Variants in DGLUCY observed in about 807,000 individuals in gnomAD.
The protein encoded by DGLUCY is D-glutamate cyclase.
DGLUCY carries 58 observed loss-of-function variants against 58.5 expected under a neutral mutation model. The ratio of observed to expected loss-of-function variants is 0.99; its 90% CI spans 0.80 to 1.23. DGLUCY has a LOEUF of 1.23. DGLUCY is among the 50% of genes most tolerant of loss of function. DGLUCY has a pLI of 0.00. For synonymous variants in DGLUCY, 325 were observed against 314.1 expected (o/e 1.03, Z -0.37); for missense variants, 779 against 784.7 (o/e 0.99, Z 0.09).
At chr14:91,125,017 G>A (rs1021469800) in intron 1 of DGLUCY, among the ~76,000 whole-genome samples, 1 of 152,060 alleles carries the variant, frequency 6.6e-6, no homozygotes, top group African/African-American at 2.4e-5. Flanking sequence ...TCCTTCCTTT[G>A]TTCTCCTCTG....
chr14:91,192,259 T>C (rs1303804869), intron 9 of DGLUCY, among the ~76,000 whole-genome samples: 1 of 152,158 alleles, frequency 6.6e-6, no homozygotes, highest in Non-Finnish European at 1.5e-5. Flanking sequence ...CCAATCGTAT[T>C]GTATGACTCC....
intron 1 of DGLUCY, among the ~76,000 whole-genome samples, chr14:91,088,119 AGAG>A (rs2044251927): frequency 6.6e-6 from 1 of 152,128 alleles, no homozygotes; most frequent in African/African-American, 2.4e-5. Context: ...GCCAGGGAGA[AGAG>A]GACCCCATTG....
chr14:91,115,193 G>A (rs1001807289), intron 1 of DGLUCY: 10 of 152,516 alleles, frequency 6.6e-5, no homozygotes, highest in African/African-American at 2.4e-4. Flanking sequence ...TTGGCACGCA[G>A]GGGACGAGAG....
intron 1 of DGLUCY, among the ~76,000 whole-genome samples, chr14:91,132,796 C>A (rs1017183436): frequency 1.3e-5 from 2 of 151,890 alleles, no homozygotes; most frequent in African/African-American, 4.8e-5. Flanking sequence ...TTCATCTTCC[C>A]AAACTGCAAC....
Position 91,213,804 on chromosome 14 carries a change from G to T in DGLUCY, c.1565-1601G>T, listed in dbSNP as rs191460604. Among the ~76,000 whole-genome samples the T allele has an allele frequency of 1.2e-3, 187 of 151,970 alleles. 1 individual carries two copies. The highest frequency in any genetic ancestry group is 3.7e-3 in the Admixed American group (56 of 15,246). On this transcript the variant is annotated intron_variant, in intron 12 of 13. Coordinates refer to ENST00000256324, the MANE Select transcript of DGLUCY (RefSeq NM_001102368.3). Reference sequence around the variant, plus strand: ...AACCTCCACCTCCCGGGTTCAAGTGGTTTTCCTGCCTCAGCCTCCTGAGTA... The same window carrying T: ...AACCTCCACCTCCCGGGTTCAAGTGTTTTTCCTGCCTCAGCCTCCTGAGTA...
intron 1 of DGLUCY, among the ~76,000 whole-genome samples, chr14:91,148,186 TAC>T (rs2047113564): frequency 6.6e-6 from 1 of 151,520 alleles, no homozygotes; most frequent in Non-Finnish European, 1.5e-5. Flanking sequence ...AAAAGAAAGA[TAC>T]ACACATCTCT....
upstream of DGLUCY, among the ~76,000 whole-genome samples, chr14:91,110,996 T>C (rs529371146): frequency 6.8e-4 from 104 of 152,250 alleles, no homozygotes; most frequent in African/African-American, 2.1e-3. Flanking sequence ...GATCGTATAA[T>C]ATTTTTTTGT....
chr14:91,090,378 C>CT (rs1005242734), intron 1 of DGLUCY, among the ~76,000 whole-genome samples: 47 of 151,666 alleles, frequency 3.1e-4, no homozygotes, highest in Non-Finnish European at 2.2e-4. Context: ...TGCTCTGTTT[C>CT]TTTTTTTTTG....
chr14:91,083,483 C>T (rs971436752), intron 1 of DGLUCY, among the ~76,000 whole-genome samples: 1 of 149,522 alleles, frequency 6.7e-6, no homozygotes, highest in Non-Finnish European at 1.5e-5. Flanking sequence ...GATCGTGCCA[C>T]TCCACTCCAA....
intron 10 of DGLUCY, among the ~76,000 whole-genome samples, chr14:91,197,020 G>A (rs951747844): frequency 2.0e-5 from 3 of 152,162 alleles, no homozygotes; most frequent in African/African-American, 7.2e-5. Context: ...AGGCTGGGGT[G>A]CAGTGGCGCG....
At chr14:91,204,676 G>T (rs375317294) in intron 11 of DGLUCY, 30 bp from the exon 12 acceptor site, 1 of 1,610,580 alleles carries the variant, frequency 6.2e-7, no homozygotes, top group Admixed American at 1.7e-5. Flanking sequence ...CCCTGGTCCC[G>T]TGCACTGACT....
chr14:91,206,591 C>T (rs1884742714), intron 12 of DGLUCY, among the ~76,000 whole-genome samples: 2 of 151,988 alleles, frequency 1.3e-5, no homozygotes, highest in Admixed American at 1.3e-4. Flanking sequence ...CCATGTTGAC[C>T]AGAGTGGTCT....
intron 1 of DGLUCY, among the ~76,000 whole-genome samples, chr14:91,102,502 T>C (rs2044504752): frequency 6.6e-6 from 1 of 151,962 alleles, no homozygotes; most frequent in African/African-American, 2.4e-5. Context: ...CCCGGGACTG[T>C]CGATGGGAGC....
intron 1 of DGLUCY, among the ~76,000 whole-genome samples, chr14:91,086,949 C>T (rs2044231499): frequency 6.6e-6 from 1 of 152,136 alleles, no homozygotes; most frequent in South Asian, 2.1e-4. Flanking sequence ...GATGGGGTTT[C>T]ACCATGTTGC....
chr14:91,181,602 A>C (rs542156622), intron 8 of DGLUCY, among the ~76,000 whole-genome samples: 1 of 151,834 alleles, frequency 6.6e-6, no homozygotes, highest in African/African-American at 2.4e-5. Flanking sequence ...TGGTATTGTG[A>C]GTGATTTTTG....
intron 1 of DGLUCY, among the ~76,000 whole-genome samples, chr14:91,092,639 G>GT (rs2044331211): frequency 6.6e-6 from 1 of 152,220 alleles, no homozygotes; most frequent in Admixed American, 6.5e-5. Context: ...TGCAGTTGTG[G>GT]TTCATGAACT....
At chr14:91,111,283 T>C, upstream of DGLUCY, among the ~76,000 whole-genome samples, 1 of 53,104 alleles carries the variant, frequency 1.9e-5, no homozygotes, top group East Asian at 9.0e-4. Flanking sequence ...TCTATATATA[T>C]ATATATATTT....
At chr14:91,072,527 A>C (rs2043939588) in intron 1 of DGLUCY, among the ~76,000 whole-genome samples, 1 of 152,072 alleles carries the variant, frequency 6.6e-6, no homozygotes, top group Non-Finnish European at 1.5e-5. Flanking sequence ...ACTTAATTTT[A>C]CTTAAAAATA....
chr14:91,217,590 C>G (rs1886771790), intron 13 of DGLUCY, among the ~76,000 whole-genome samples: 1 of 151,238 alleles, frequency 6.6e-6, no homozygotes, highest in Non-Finnish European at 1.5e-5. Context: ...GTTCAAGCAA[C>G]TCTCCTGCCT....
Sources: gnomAD v4.1 joint callset for allele counts (sites outside exome capture counted in the v4.1 genomes callset) on GRCh38, gnomAD v4.1.1 for gene constraint, MANE v1.5 for transcripts, NCBI Gene and HGNC (gene_info 2026-07-23, HGNC 2026-07-21) for gene names.